Variants in TRPM7 observed in about 807,000 individuals in gnomAD.
TRPM7 encodes the protein LTRPC ion channel family member 7.
TRPM7 carries 134 observed loss-of-function variants against 229.7 expected under a neutral mutation model. The ratio of observed to expected loss-of-function variants is 0.58; its 90% CI spans 0.51 to 0.67. The LOEUF (loss-of-function observed/expected upper bound fraction) is 0.67. Among genes scored for constraint, TRPM7 ranks in the 30% least tolerant of loss-of-function variants. The pLI, the probability that TRPM7 is intolerant of heterozygous loss-of-function variation, is 0.00. For missense variants in TRPM7, 1,901 were observed against 2,210.0 expected (o/e 0.86, Z 2.80); for synonymous variants, 699 against 715.2 (o/e 0.98, Z 0.36).
intron 4 of TRPM7, among the ~76,000 whole-genome samples, chr15:50,645,301 C>A (rs1338249605): frequency 2.0e-5 from 3 of 152,120 alleles, no homozygotes; most frequent in Non-Finnish European, 4.4e-5. Flanking sequence ...CTCGGCCTCC[C>A]AAAGTGCTGG....
chr15:50,624,473 G>A lies in TRPM7; in HGVS notation c.1306-173C>T, dbSNP rs1008372041. Among the ~76,000 whole-genome samples, 11 of 152,176 alleles carry A rather than the reference G, an allele frequency of 7.2e-5. 1 individual carries two copies. Among genetic ancestry groups the A allele is most frequent in the African/African-American group, 2.7e-4 (11 of 41,446 alleles). On this transcript the variant is annotated intron_variant, in intron 11 of 38. Transcript: ENST00000646667. ...TAAGACTTTAGGTGTTTAGGGAATA[G>A]ATTAAAAGACCTCTCTAGAACAACG...
chr15:50,612,983 T>C (rs989560297), intron 15 of TRPM7, among the ~76,000 whole-genome samples, 154 bp from the exon 16 acceptor site: 1 of 152,252 alleles, frequency 6.6e-6, no homozygotes, highest in Admixed American at 6.5e-5. Flanking sequence ...TTATAGCTCA[T>C]AATTCATTTT....
intron 1 of TRPM7, among the ~76,000 whole-genome samples, chr15:50,669,278 A>C (rs776522015): frequency 3.9e-5 from 6 of 152,060 alleles, no homozygotes; most frequent in Non-Finnish European, 8.8e-5. Flanking sequence ...TACTAAAAAT[A>C]CAAAAAATTA....
Position 50,594,409 on chromosome 15 carries a change from C to T in TRPM7, c.3475+20G>A, listed in dbSNP as rs1420708518. 1 of 1,577,100 alleles carries T rather than the reference C, an allele frequency of 6.3e-7. No homozygotes were observed. Among genetic ancestry groups the T allele is most frequent in the African/African-American group, 1.4e-5 (1 of 73,386 alleles). The stretch of plus-strand genomic sequence containing the variant: ...AGAAGTGATAAAATGAAAACATTTG[C>T]CTTAATATAGTTTACTTACTTGGTC... On this transcript the variant is annotated intron_variant, in intron 24 of 38. Transcript: ENST00000646667.
At chr15:50,668,617 C>T (rs1469561560) in intron 1 of TRPM7, among the ~76,000 whole-genome samples, 1 of 152,194 alleles carries the variant, frequency 6.6e-6, no homozygotes, top group Non-Finnish European at 1.5e-5. Flanking sequence ...AAGTAATTCT[C>T]CTGCCTCAGC....
chr15:50,589,681 A>C (rs2059435276), intron 26 of TRPM7, 25 bp from the exon 27 acceptor site: 1 of 1,517,748 alleles, frequency 6.6e-7, no homozygotes, highest in African/African-American at 1.4e-5. Context: ...AAGATGTTGC[A>C]ATGAGAAATT....
Position 50,686,589 on chromosome 15 carries a change from G to T in TRPM7, c.-56C>A, listed in dbSNP as rs2062365639. 3 of 1,602,558 alleles carry T rather than the reference G, an allele frequency of 1.9e-6. No individual in the cohort carries two copies. The highest frequency in any genetic ancestry group is 2.6e-6 in the Non-Finnish European group (3 of 1,174,228). On this transcript the variant is annotated 5_prime_UTR_variant, in exon 1 of 39. Transcript: ENST00000646667. ...GCAACTCCACCTCCTCCTCCTCCGC[G>T]GCCTGTAGCCATCTATCGGGAAGCG...
chr15:50,568,119 A>AAAC (rs1280257994), intron 38 of TRPM7, among the ~76,000 whole-genome samples: 2 of 150,820 alleles, frequency 1.3e-5, no homozygotes, highest in Admixed American at 1.3e-4. Flanking sequence ...CTCAAAAAAA[A>AAAC]AAAAAAAAAA....
chr15:50,683,233 TA>T (rs35418906), intron 1 of TRPM7, among the ~76,000 whole-genome samples: 79,346 of 147,846 alleles, frequency 0.54, 21,164 homozygotes, highest in Admixed American at 0.61. Context: ...GGCAGTCACT[TA>T]AAAAAAAAAA....
At position 50,599,380 on chromosome 15, in the gene TRPM7, G is replaced by A. The variant is rs2059716700; in HGVS notation, c.2989-84C>T. ...TCTAAAAGCTTCTAATGTTCTAATA[G>A]ACCAAAAAAATCCATTAAACACAAA... On this transcript the variant is annotated intron_variant, in intron 21 of 38. Coordinates refer to ENST00000646667, the MANE Select transcript of TRPM7 (RefSeq NM_017672.6). 15 of 994,508 alleles carry A rather than the reference G, an allele frequency of 1.5e-5. No individual in the cohort carries two copies. The South Asian group carries it at 3.3e-4, about 22-fold the overall frequency. The allele number at this position is 994,508 out of a possible 1,614,324, so 61.6% of individuals were successfully genotyped here.
intron 5 of TRPM7, among the ~76,000 whole-genome samples, chr15:50,641,858 C>T (rs900767433): frequency 7.2e-5 from 11 of 151,934 alleles, no homozygotes; most frequent in East Asian, 1.9e-4. Flanking sequence ...AACTTAGCCA[C>T]GTGTGGTGAC....
In TRPM7 at chr15:50,594,139, A is replaced by G. The variant is rs577086098; in HGVS notation, c.3475+290T>C. On this transcript the variant is annotated intron_variant, in intron 24 of 38. Transcript: ENST00000646667. The stretch of plus-strand genomic sequence containing the variant: ...GTACACAGAATGTACTAAAATTGTT[A>G]TTGTTTACAGAGCTGTAAAAATGGT... Among the ~76,000 whole-genome samples, 29 of 152,306 alleles carry G rather than the reference A, an allele frequency of 1.9e-4. No homozygotes were observed. In the South Asian group the frequency reaches 6.0e-3, roughly 32 times the overall value.
chr15:50,615,846 A>C (rs574939544), intron 13 of TRPM7, among the ~76,000 whole-genome samples: 1 of 152,276 alleles, frequency 6.6e-6, no homozygotes, highest in South Asian at 2.1e-4. Flanking sequence ...CAGTGAGCCA[A>C]GTTCACACCA....
At chr15:50,578,839 G>T (rs1282789375) in intron 30 of TRPM7, among the ~76,000 whole-genome samples, 175 bp from the exon 31 acceptor site, 2 of 149,498 alleles carry the variant, frequency 1.3e-5, no homozygotes, top group South Asian at 4.2e-4. Context: ...TCCATATATA[G>T]ATATATATAT....
intron 1 of TRPM7, among the ~76,000 whole-genome samples, chr15:50,671,803 C>A (rs1210135583): frequency 6.7e-6 from 1 of 150,262 alleles, no homozygotes; most frequent in East Asian, 1.9e-4. Flanking sequence ...GAACTTGTCT[C>A]GAAAAAAAAA....
rs377127882 is a variant in TRPM7, at chr15:50,612,770, A to T, written c.1830T>A (p.Ile610=). Residue 610 remains isoleucine (I), a synonymous_variant, in exon 16 of 39, where the codon ATT becomes ATA. Coordinates refer to ENST00000646667, the MANE Select transcript of TRPM7 (RefSeq NM_017672.6). ...GAAAGCGCTTGGTTTCTGGATCATC[A>T]ATGTCTACAATTTCATCTTTGGTTC... ...KKRTKDEIVD[I]DDPETKRFPY... is the part of the protein sequence containing the mutation. 5.6e-6 allele frequency: 9 copies of T among 1,613,954 alleles called. No individual in the cohort carries two copies. Among genetic ancestry groups the T allele is most frequent in the Non-Finnish European group, 7.6e-6 (9 of 1,179,990 alleles).
rs540882548 is a variant in TRPM7, at chr15:50,601,023, A to G, written c.2989-1727T>C. 6.6e-5 allele frequency among the ~76,000 whole-genome samples: 10 copies of G among 152,362 alleles called. No individual in the cohort carries two copies. In the East Asian group the frequency reaches 1.9e-3, roughly 29 times the overall value. On this transcript the variant is annotated intron_variant, in intron 21 of 38. Coordinates refer to ENST00000646667, the MANE Select transcript of TRPM7 (RefSeq NM_017672.6). Reference sequence around the variant, plus strand: ...GAGAATGCATGCTTTCAAATAAACAAAATATTGCAAAACAAAAAGTATATT... The same window carrying G: ...GAGAATGCATGCTTTCAAATAAACAGAATATTGCAAAACAAAAAGTATATT...
chr15:50,578,675 A>C lies in TRPM7; in HGVS notation c.4593-11T>G. ...CCTTCTTCAGATGGCCTAAAGAAAC[A>C]CCAAAAAATATAGTATAAGCTGTGC... On this transcript the variant is annotated splice_polypyrimidine_tract_variant and intron_variant, in intron 30 of 38. Coordinates refer to ENST00000646667, the MANE Select transcript of TRPM7 (RefSeq NM_017672.6). 3 of 1,605,468 alleles carry C rather than the reference A, an allele frequency of 1.9e-6. No homozygotes were observed. The highest frequency in any genetic ancestry group is 2.6e-6 in the Non-Finnish European group (3 of 1,174,818).
intron 21 of TRPM7, among the ~76,000 whole-genome samples, chr15:50,600,423 C>T (rs928885287): frequency 3.4e-4 from 49 of 144,100 alleles, no homozygotes; most frequent in African/African-American, 1.2e-3. Context: ...GGAGACAGAG[C>T]GAGACTCCAT....
Sources: allele counts gnomAD v4.1 joint callset (sites outside exome capture counted in the v4.1 genomes callset), GRCh38; gene constraint gnomAD v4.1.1; transcripts MANE v1.5; gene names NCBI Gene and HGNC (gene_info 2026-07-23, HGNC 2026-07-21).